The following CPQ variants were observed in gnomAD, a reference collection of about 807,000 sequenced individuals.
The protein encoded by CPQ is Ser-Met dipeptidase.
Under a neutral mutation model 45.7 loss-of-function variants are expected in CPQ, and 37 were observed. The observed-to-expected ratio is 0.81, with a 90% confidence interval of 0.62 to 1.07. The LOEUF (loss-of-function observed/expected upper bound fraction) is 1.07. CPQ is among the 50% of genes least tolerant of loss of function. The pLI is 0.00. For synonymous variants in CPQ, 186 were observed against 205.8 expected, an observed-to-expected ratio of 0.90 and a Z score of 0.82; for missense variants, 537 against 572.9, an observed-to-expected ratio of 0.94 and a Z score of 0.64.
rs1424590244 is a variant in CPQ, at chr8:97,091,572, A to T, written c.1255+25362A>T. Reference sequence around the variant, plus strand: ...CAGTTTTAGGGCAGTATGATTTTTCATGGTGAACATTTTAGGTTCTCTTTG... The same window carrying T: ...CAGTTTTAGGGCAGTATGATTTTTCTTGGTGAACATTTTAGGTTCTCTTTG... On this transcript the variant is annotated intron_variant, in intron 7 of 7. Coordinates refer to ENST00000220763, the MANE Select transcript of CPQ (RefSeq NM_016134.4). 4.6e-5 allele frequency among the ~76,000 whole-genome samples: 7 copies of T among 152,274 alleles called. No individual in the cohort carries two copies. In the East Asian group the frequency reaches 1.4e-3, roughly 29 times the overall value.
chr8:96,933,750 C>T (rs1813006633), intron 4 of CPQ, among the ~76,000 whole-genome samples: 1 of 152,014 alleles, frequency 6.6e-6, no homozygotes, highest in Non-Finnish European at 1.5e-5. Context: ...AAGTTTCCTG[C>T]TGCTTGCTTA....
At chr8:96,691,799 G>A (rs573242207) in intron 1 of CPQ, among the ~76,000 whole-genome samples, 1 of 152,034 alleles carries the variant, frequency 6.6e-6, no homozygotes, top group African/African-American at 2.4e-5. Context: ...CTTTGATGCT[G>A]GTATGAGAAG....
chr8:96,975,507 C>T (rs1813760174), intron 5 of CPQ, among the ~76,000 whole-genome samples: 2 of 151,018 alleles, frequency 1.3e-5, no homozygotes, highest in African/African-American at 4.9e-5. Flanking sequence ...ATACCAAAAC[C>T]AAGGGAGGAC....
intron 7 of CPQ, among the ~76,000 whole-genome samples, chr8:97,122,279 CAG>C (rs1489472131): frequency 4.0e-5 from 6 of 151,880 alleles, no homozygotes; most frequent in African/African-American, 1.5e-4. Context: ...TAAAAGCCTC[CAG>C]AGAGTTGAAA....
chr8:96,826,556 A>G (rs1475880891), intron 2 of CPQ, among the ~76,000 whole-genome samples: 1 of 152,012 alleles, frequency 6.6e-6, no homozygotes, highest in Non-Finnish European at 1.5e-5. Flanking sequence ...TGCAGACAGA[A>G]GGAGCAGCTT....
At chr8:96,708,740 A>G (rs190790947) in intron 1 of CPQ, among the ~76,000 whole-genome samples, 53 of 152,218 alleles carry the variant, frequency 3.5e-4, no homozygotes, top group Non-Finnish European at 6.0e-4. Context: ...AGCCTTTACA[A>G]TCACCACAGA....
chr8:96,809,628 A>G (rs1185154080), intron 2 of CPQ, among the ~76,000 whole-genome samples: 1 of 152,142 alleles, frequency 6.6e-6, no homozygotes, highest in Non-Finnish European at 1.5e-5. Context: ...AAACTTTCTG[A>G]AGTAATGGAA....
At chr8:97,127,350 A>G (rs1811864673) in intron 7 of CPQ, among the ~76,000 whole-genome samples, 1 of 152,184 alleles carries the variant, frequency 6.6e-6, no homozygotes, top group South Asian at 2.1e-4. Context: ...CAAACAAGAT[A>G]CACCAATCCC....
chr8:97,137,761 C>T (rs1418098391), intron 7 of CPQ, among the ~76,000 whole-genome samples: 5 of 152,184 alleles, frequency 3.3e-5, no homozygotes, highest in Non-Finnish European at 2.9e-5. Flanking sequence ...AACTCCTTCT[C>T]TACTAAAAAT....
intron 1 of CPQ, among the ~76,000 whole-genome samples, chr8:96,654,483 A>G (rs985465287): frequency 3.3e-5 from 5 of 152,100 alleles, no homozygotes; most frequent in African/African-American, 1.2e-4. Context: ...CTAACATAGC[A>G]CTGACATCCT....
In CPQ at chr8:96,966,526, G is replaced by C. The variant is rs563611576; in HGVS notation, c.961+480G>C. ...GAATCCAGGCAGATAATTCTTTGTT[G>C]CAAGGTCTGTCCCATGCATGATAGG... On this transcript the variant is annotated intron_variant, in intron 5 of 7. Coordinates refer to ENST00000220763, the MANE Select transcript of CPQ (RefSeq NM_016134.4). Among the ~76,000 whole-genome samples the C allele has an allele frequency of 3.3e-5, 5 of 152,298 alleles. No homozygotes were observed. The East Asian group carries it at 9.7e-4, about 29-fold the overall frequency.
chr8:96,827,823 G>A (rs2130843151), intron 2 of CPQ, among the ~76,000 whole-genome samples: 1 of 152,086 alleles, frequency 6.6e-6, no homozygotes, highest in Non-Finnish European at 1.5e-5. Flanking sequence ...GGCATTTCTT[G>A]TTATTGACAA....
At chr8:97,126,672 A>C (rs1811852252) in intron 7 of CPQ, among the ~76,000 whole-genome samples, 1 of 152,188 alleles carries the variant, frequency 6.6e-6, no homozygotes, top group African/African-American at 2.4e-5. Flanking sequence ...CTCAAGAATA[A>C]TTTTAATAAA....
chr8:96,674,264 C>T (rs368844443), intron 1 of CPQ, among the ~76,000 whole-genome samples: 1 of 152,110 alleles, frequency 6.6e-6, no homozygotes, highest in Non-Finnish European at 1.5e-5. Flanking sequence ...ATTTCCTGAA[C>T]CTTTTTTCCC....
intron 1 of CPQ, among the ~76,000 whole-genome samples, chr8:96,745,803 T>C (rs1467543528): frequency 1.3e-5 from 2 of 152,240 alleles, no homozygotes; most frequent in Admixed American, 6.5e-5. Flanking sequence ...GAACTATCAT[T>C]TGAAATGGTA....
chr8:96,763,449 G>A (rs1290984620), intron 1 of CPQ, among the ~76,000 whole-genome samples: 1 of 152,034 alleles, frequency 6.6e-6, no homozygotes, highest in Admixed American at 6.6e-5. Flanking sequence ...TGAACTATTT[G>A]TCTATCTTTG....
intron 2 of CPQ, among the ~76,000 whole-genome samples, chr8:96,815,547 T>A (rs1371128481): frequency 6.6e-6 from 1 of 152,104 alleles, no homozygotes; most frequent in African/African-American, 2.4e-5. Flanking sequence ...AAAGACAAGA[T>A]GAAGATACAG....
intron 4 of CPQ, among the ~76,000 whole-genome samples, chr8:96,964,660 G>T (rs1322445016): frequency 6.6e-6 from 1 of 151,730 alleles, no homozygotes; most frequent in Non-Finnish European, 1.5e-5. Context: ...TAAATATTTA[G>T]AAAATTGTTA....
chr8:97,070,490 A>G (rs1485219927), intron 7 of CPQ, among the ~76,000 whole-genome samples: 1 of 152,184 alleles, frequency 6.6e-6, no homozygotes, highest in Non-Finnish European at 1.5e-5. Flanking sequence ...ACTTAGCAGA[A>G]ACAAAAACAT....
Sources: gnomAD v4.1 joint callset for allele counts (sites outside exome capture counted in the v4.1 genomes callset) on GRCh38, gnomAD v4.1.1 for gene constraint, MANE v1.5 for transcripts, NCBI Gene and HGNC (gene_info 2026-07-23, HGNC 2026-07-21) for gene names.